CAPRIN2: variants seen among roughly 807,000 people sequenced by gnomAD.
CAPRIN2 encodes the protein caprin family member 2, also known as caprin-2.
CAPRIN2 carries 66 observed loss-of-function variants against 130.4 expected under a neutral mutation model. The ratio of observed to expected loss-of-function variants is 0.51; its 90% CI spans 0.42 to 0.62. CAPRIN2 has a LOEUF of 0.62. Ranked by LOEUF, CAPRIN2 falls within the 20% of genes least tolerant of loss-of-function variation. CAPRIN2 has a pLI of 0.00. For missense variants in CAPRIN2, 1,185 were observed against 1,246.6 expected, an observed-to-expected ratio of 0.95 and a Z score of 0.74; for synonymous variants, 471 against 444.1, an observed-to-expected ratio of 1.06 and a Z score of -0.76.
intron 1 of CAPRIN2, among the ~76,000 whole-genome samples, chr12:30,752,881 C>G (rs1435189524): frequency 6.6e-6 from 1 of 152,216 alleles, no homozygotes; most frequent in East Asian, 1.9e-4. Context: ...ACGCTTTCAC[C>G]TAGCAATCTT....
At chr12:30,749,241 G>A (rs1347156239) in intron 2 of CAPRIN2, among the ~76,000 whole-genome samples, 1 of 152,164 alleles carries the variant, frequency 6.6e-6, no homozygotes. Flanking sequence ...AGGGAAAGAA[G>A]AGCAAGAAAT....
chr12:30,728,569 A>G (rs531697519), intron 8 of CAPRIN2, 79 bp downstream of exon 9: 65 of 1,257,858 alleles, frequency 5.2e-5, no homozygotes, highest in East Asian at 2.9e-4. Context: ...AAAAAAAAAA[A>G]AGAGAACTAA....
Position 30,731,465 on chromosome 12 carries a change from T to C in CAPRIN2, c.938A>G (p.Tyr313Cys), listed in dbSNP as rs780968581. Residue 313 changes from tyrosine to cysteine, a missense_variant, in exon 6 of 17, where the codon TAT (tyrosine) becomes TGT (cysteine). Tyr to Cys is a radical substitution (Grantham distance 194, BLOSUM62 -2). Transcript: ENST00000298892. ...TTTGGGAACTGGGATACTTTCAAAATAGCCTGAGTTCAGCAATTTAGACAG... is the reference window on the plus strand; with the variant it reads ...TTTGGGAACTGGGATACTTTCAAAACAGCCTGAGTTCAGCAATTTAGACAG... 3.7e-6 allele frequency: 6 copies of C among 1,612,930 alleles called. No homozygotes were observed. The East Asian group carries it at 1.1e-4, about 30-fold the overall frequency.
chr12:30,750,980 TG>T, intron 2 of CAPRIN2, 90 bp downstream of exon 3: 1 of 894,774 alleles, frequency 1.1e-6, no homozygotes, highest in Non-Finnish European at 1.9e-6. Context: ...TGTGTGTGTG[TG>T]TGCTATAAAG....
intron 11 of CAPRIN2, 43 bp from the exon 13 acceptor site, chr12:30,720,958 G>T: frequency 7.2e-7 from 1 of 1,388,266 alleles, no homozygotes; most frequent in African/African-American, 1.4e-5. Context: ...GGCACATTTT[G>T]TTCACTTTAT....
chr12:30,715,348 A>G (rs1423904762), intron 13 of CAPRIN2: 2 of 636,066 alleles, frequency 3.1e-6, no homozygotes, highest in Non-Finnish European at 2.8e-6. Context: ...TAAAAAAGGA[A>G]GAAAATTTTG....
intron 11 of CAPRIN2, among the ~76,000 whole-genome samples, chr12:30,722,799 C>CT (rs1358627293): frequency 5.3e-5 from 8 of 152,032 alleles, no homozygotes; most frequent in Non-Finnish European, 1.0e-4. Flanking sequence ...ACTCGGGAGG[C>CT]TGAGACACAG....
intron 3 of CAPRIN2, 61 bp from the exon 5 acceptor site, chr12:30,735,267 G>A (rs1279497476): frequency 1.2e-5 from 16 of 1,283,714 alleles, no homozygotes; most frequent in East Asian, 4.6e-5. Flanking sequence ...TTAGCAATAC[G>A]TATCTACAAA....
At chr12:30,739,873 T>A (rs1484916740) in intron 3 of CAPRIN2, among the ~76,000 whole-genome samples, 2 of 152,086 alleles carry the variant, frequency 1.3e-5, no homozygotes, top group African/African-American at 4.8e-5. Context: ...ACGTTTTTAA[T>A]CTAAAAAGAA....
At chr12:30,712,035 G>C (rs1046264349) in intron 15 of CAPRIN2, among the ~76,000 whole-genome samples, 6 of 151,774 alleles carry the variant, frequency 4.0e-5, no homozygotes, top group Non-Finnish European at 7.4e-5. Context: ...CACCAAACTG[G>C]GAAGACCAAT....
intron 2 of CAPRIN2, among the ~76,000 whole-genome samples, chr12:30,744,522 G>C (rs552809853): frequency 6.6e-6 from 1 of 152,114 alleles, no homozygotes; most frequent in Non-Finnish European, 1.5e-5. Context: ...ACGCATGCAA[G>C]CATCTGCCTA....
At chr12:30,722,572 G>GA (rs1565584884) in intron 11 of CAPRIN2, among the ~76,000 whole-genome samples, 1 of 152,134 alleles carries the variant, frequency 6.6e-6, no homozygotes, top group African/African-American at 2.4e-5. Flanking sequence ...AGGAAAGTAG[G>GA]AAAAACCCCA....
chr12:30,752,982 G>T (rs1277188393), intron 1 of CAPRIN2, among the ~76,000 whole-genome samples: 1 of 152,140 alleles, frequency 6.6e-6, no homozygotes, highest in East Asian at 1.9e-4. Flanking sequence ...CAGTTATACT[G>T]CAATATCAAC....
intron 1 of CAPRIN2, chr12:30,751,531 G>A (rs180683014): frequency 2.5e-3 from 546 of 221,710 alleles, no homozygotes; most frequent in Admixed American, 3.5e-3. Flanking sequence ...CAACTTGGGA[G>A]GGGGAAGGGA....
At chr12:30,724,511 C>G (rs1459539013) in intron 9 of CAPRIN2, 60 bp from the exon 11 acceptor site, 8 of 1,125,754 alleles carry the variant, frequency 7.1e-6, no homozygotes, top group Non-Finnish European at 1.1e-5. Flanking sequence ...AAAGCTATTA[C>G]CATTGAATTA....
exon 6 of CAPRIN2, chr12:30,731,473 G>C: frequency 6.2e-7 from 1 of 1,612,900 alleles, no homozygotes; most frequent in Non-Finnish European, 8.5e-7. Context: ...AATAGCCTGA[G>C]TTCAGCAATT....
chr12:30,728,887 A>G, exon 8 of CAPRIN2: 1 of 1,614,148 alleles, frequency 6.2e-7, no homozygotes, highest in Non-Finnish European at 8.5e-7. Context: ...GAAGGTGTCC[A>G]AGACTTTGGA....
chr12:30,749,633 G>C lies in CAPRIN2; in HGVS notation c.483+1438C>G, dbSNP rs1165724766. ...TTCTCCAAGATTTTTGGCAACTCCT[G>C]CTAGTTGATCAAGCCATCAACTGAC... is the stretch of plus-strand genomic sequence containing the variant. On this transcript the variant is annotated intron_variant, in intron 2 of 16. Transcript: ENST00000298892. Among the ~76,000 whole-genome samples the C allele has an allele frequency of 1.2e-4, 19 of 152,184 alleles. 1 individual carries two copies. The highest frequency in any genetic ancestry group is 1.8e-4 in the Non-Finnish European group (12 of 68,042).
In CAPRIN2 at chr12:30,709,998, C is replaced by T. The variant is rs764345990; in HGVS notation, c.3138G>A (p.Gln1046=). 6 of 1,613,988 alleles carry T rather than the reference C, an allele frequency of 3.7e-6. No individual in the cohort carries two copies. In the East Asian group the frequency reaches 1.1e-4, roughly 30 times the overall value. ...GCAGACGTAACCATATCTGGTCTCC[C>T]TGGAAGAGCTGAAGAATTGCATGAT... The change falls in exon 17 of 17, where the codon CAG becomes CAA. Residue 1046 remains glutamine (Q), a synonymous_variant. Transcript: ENST00000298892.
Sources: allele counts gnomAD v4.1 joint callset (sites outside exome capture counted in the v4.1 genomes callset), GRCh38; gene constraint gnomAD v4.1.1; transcripts MANE v1.5; gene names NCBI Gene and HGNC (gene_info 2026-07-23, HGNC 2026-07-21).